Variants in CNTN5 observed in about 807,000 individuals in gnomAD.
The protein encoded by CNTN5 is contactin 5.
In CNTN5, 77 loss-of-function variants were observed where a neutral mutation model predicts 129.1. The observed-to-expected ratio is 0.60, with a 90% confidence interval of 0.50 to 0.72. The LOEUF (loss-of-function observed/expected upper bound fraction) is 0.72, where lower values mean the gene tolerates loss of function less well. Among genes scored for constraint, CNTN5 ranks in the 30% least tolerant of loss-of-function variants. CNTN5 has a pLI of 0.00. For synonymous variants in CNTN5, 509 were observed against 465.6 expected, an observed-to-expected ratio of 1.09 and a Z score of -1.20; for missense variants, 1,478 against 1,328.8, an observed-to-expected ratio of 1.11 and a Z score of -1.75.
At chr11:99,995,823 G>A (rs1939404993) in intron 8 of CNTN5, among the ~76,000 whole-genome samples, 2 of 152,118 alleles carry the variant, frequency 1.3e-5, no homozygotes, top group South Asian at 4.1e-4. Flanking sequence ...GATGGCACTA[G>A]CACCAAAATC....
At chr11:100,164,787 A>C (rs1160491332) in intron 13 of CNTN5, among the ~76,000 whole-genome samples, 1 of 151,850 alleles carries the variant, frequency 6.6e-6, no homozygotes, top group East Asian at 1.9e-4. Flanking sequence ...TATGGAAATT[A>C]GCCAGAAGAT....
chr11:99,643,934 T>C (rs1289674994), intron 3 of CNTN5, among the ~76,000 whole-genome samples: 1 of 152,158 alleles, frequency 6.6e-6, no homozygotes, highest in East Asian at 1.9e-4. Context: ...TTTAAAAATA[T>C]AAACAATTTT....
At position 100,282,462 on chromosome 11, in the gene CNTN5, C is replaced by T. The variant is rs114403613; in HGVS notation, c.2314+11221C>T. On this transcript the variant is annotated intron_variant, in intron 18 of 24. Transcript: ENST00000524871. ...AATGGAGTCTCTCTGTTCTGAGCCA[C>T]CTGGAGCTGGGGATGAAGTGACATA... is the stretch of plus-strand genomic sequence containing the variant. Among the ~76,000 whole-genome samples the T allele has an allele frequency of 4.7e-3, 716 of 152,332 alleles. 9 individuals are homozygous for T. The highest frequency in any genetic ancestry group is 0.016 in the African/African-American group (673 of 41,572).
chr11:99,694,236 TCAGA>T (rs1387678247), intron 3 of CNTN5, among the ~76,000 whole-genome samples: 1 of 152,128 alleles, frequency 6.6e-6, no homozygotes, highest in African/African-American at 2.4e-5. Flanking sequence ...TGTGCAAACT[TCAGA>T]CAGTGAGCCA....
intron 3 of CNTN5, among the ~76,000 whole-genome samples, chr11:99,728,127 A>G (rs1209909741): frequency 6.6e-6 from 1 of 152,194 alleles, no homozygotes; most frequent in Non-Finnish European, 1.5e-5. Flanking sequence ...TTAAAAAGAA[A>G]TATGTTAAGA....
intron 3 of CNTN5, among the ~76,000 whole-genome samples, chr11:99,577,461 T>C (rs1414625091): frequency 6.6e-6 from 1 of 152,146 alleles, no homozygotes. Flanking sequence ...CAAATAGATG[T>C]TTTTACTAGA....
At chr11:100,116,480 T>C (rs1945844159) in intron 13 of CNTN5, among the ~76,000 whole-genome samples, 1 of 151,796 alleles carries the variant, frequency 6.6e-6, no homozygotes, top group Admixed American at 6.6e-5. Flanking sequence ...GTATCACTGA[T>C]TACTGGCTTG....
chr11:99,104,616 G>GTA (rs34078461), intron 1 of CNTN5, among the ~76,000 whole-genome samples: 46,320 of 142,660 alleles, frequency 0.32, 7,860 homozygotes, highest in East Asian at 0.49. Flanking sequence ...CAATGTGTGT[G>GTA]TATATATATA....
chr11:99,421,776 T>G (rs912396043), intron 2 of CNTN5, among the ~76,000 whole-genome samples: 2 of 152,154 alleles, frequency 1.3e-5, no homozygotes, highest in Non-Finnish European at 2.9e-5. Flanking sequence ...TTTAGAAATT[T>G]GAGTAAATGT....
chr11:100,150,049 A>G (rs1947004890), intron 13 of CNTN5, among the ~76,000 whole-genome samples: 1 of 152,044 alleles, frequency 6.6e-6, no homozygotes, highest in Admixed American at 6.5e-5. Context: ...TGTGGAGAGA[A>G]AACAGTATTA....
chr11:99,643,386 C>T (rs1226675946), intron 3 of CNTN5, among the ~76,000 whole-genome samples: 7 of 152,092 alleles, frequency 4.6e-5, no homozygotes, highest in Admixed American at 6.6e-5. Flanking sequence ...GCTGTATTAC[C>T]TCAGACATTA....
chr11:99,067,601 A>G (rs1447936572), intron 1 of CNTN5, among the ~76,000 whole-genome samples: 1 of 152,170 alleles, frequency 6.6e-6, no homozygotes, highest in African/African-American at 2.4e-5. Context: ...TAGAGTATTC[A>G]GAAGAGGAGA....
chr11:99,035,627 A>G (rs1275112436), intron 1 of CNTN5, among the ~76,000 whole-genome samples: 3 of 150,360 alleles, frequency 2.0e-5, no homozygotes, highest in Non-Finnish European at 4.4e-5. Flanking sequence ...TGCTTGGTAG[A>G]TCTTCCTCCA....
At chr11:99,538,415 T>C (rs1209153425) in intron 2 of CNTN5, among the ~76,000 whole-genome samples, 1 of 152,156 alleles carries the variant, frequency 6.6e-6, no homozygotes, top group East Asian at 1.9e-4. Flanking sequence ...TTCTGAACTA[T>C]GTGTATATTA....
intron 3 of CNTN5, among the ~76,000 whole-genome samples, chr11:99,717,080 G>A (rs958688815): frequency 6.6e-6 from 1 of 151,688 alleles, no homozygotes; most frequent in Non-Finnish European, 1.5e-5. Flanking sequence ...CTATAGAATC[G>A]GAACCCACAA....
chr11:99,739,765 T>G (rs1943831266), intron 3 of CNTN5, among the ~76,000 whole-genome samples: 2 of 152,176 alleles, frequency 1.3e-5, no homozygotes, highest in South Asian at 4.1e-4. Flanking sequence ...TAAAGAGATT[T>G]TTGTAGCGAT....
At chr11:99,704,395 A>G (rs1479372467) in intron 3 of CNTN5, among the ~76,000 whole-genome samples, 1 of 151,134 alleles carries the variant, frequency 6.6e-6, no homozygotes, top group African/African-American at 2.4e-5. Context: ...AGTTTTGTGA[A>G]TAGACTTAAG....
At chr11:100,286,949 C>T (rs1012770861) in intron 18 of CNTN5, among the ~76,000 whole-genome samples, 10 of 151,880 alleles carry the variant, frequency 6.6e-5, no homozygotes, top group African/African-American at 1.7e-4. Context: ...TCGAGAACTA[C>T]GTGAAGAATG....
At chr11:99,174,552 C>T (rs1293017588) in intron 1 of CNTN5, among the ~76,000 whole-genome samples, 1 of 152,112 alleles carries the variant, frequency 6.6e-6, no homozygotes, top group African/African-American at 2.4e-5. Context: ...TTATCATACC[C>T]CATAGACTAC....
Sources: gnomAD v4.1 joint callset for allele counts (sites outside exome capture counted in the v4.1 genomes callset) on GRCh38, gnomAD v4.1.1 for gene constraint, MANE v1.5 for transcripts, NCBI Gene and HGNC (gene_info 2026-07-23, HGNC 2026-07-21) for gene names.